Variants in CLEC16A observed in about 807,000 individuals in gnomAD.
The protein encoded by CLEC16A is C-type lectin domain containing 16A.
A neutral mutation model predicts 109.5 loss-of-function variants in CLEC16A; 51 were observed. The ratio of observed to expected loss-of-function variants is 0.47; its 90% CI spans 0.37 to 0.59. The LOEUF is 0.59. CLEC16A is among the 20% of genes least tolerant of loss of function. The probability of loss-of-function intolerance (pLI) is 0.00; values close to 1 mark genes in which losing one functional copy is unlikely to be tolerated. For synonymous variants in CLEC16A, 673 were observed against 564.2 expected (o/e 1.19, Z -2.73); for missense variants, 1,339 against 1,394.0 (o/e 0.96, Z 0.63).
intron 19 of CLEC16A, among the ~76,000 whole-genome samples, chr16:11,075,860 G>C (rs2049342579): frequency 6.6e-6 from 1 of 152,124 alleles, no homozygotes; most frequent in Admixed American, 6.5e-5. Flanking sequence ...CAGTTGACGA[G>C]GGCTGGCAAA....
intron 11 of CLEC16A, among the ~76,000 whole-genome samples, chr16:11,017,514 G>A (rs142050666): frequency 3.9e-5 from 6 of 152,328 alleles, no homozygotes; most frequent in African/African-American, 1.2e-4. Context: ...AGAACCTAAT[G>A]TCCCATTCTC....
intron 20 of CLEC16A, among the ~76,000 whole-genome samples, chr16:11,122,839 C>T (rs1172231621): frequency 6.6e-6 from 1 of 151,564 alleles, no homozygotes; most frequent in Non-Finnish European, 1.5e-5. Context: ...ATTTATTCTC[C>T]ACCTTTGAAA....
intron 11 of CLEC16A, among the ~76,000 whole-genome samples, chr16:11,013,690 C>T (rs1284681819): frequency 6.6e-6 from 1 of 152,134 alleles, no homozygotes; most frequent in Non-Finnish European, 1.5e-5. Context: ...GACTGGGAGG[C>T]AGAGGTTGCA....
At chr16:11,079,474 T>C (rs767275893) in intron 19 of CLEC16A, among the ~76,000 whole-genome samples, 9 of 152,226 alleles carry the variant, frequency 5.9e-5, no homozygotes, top group Non-Finnish European at 1.0e-4. Context: ...GATGCCACCA[T>C]TTTTTATACA....
intron 1 of CLEC16A, among the ~76,000 whole-genome samples, chr16:10,949,333 C>G (rs1215936088): frequency 6.6e-6 from 1 of 152,160 alleles, no homozygotes; most frequent in Non-Finnish European, 1.5e-5. Context: ...TCTTCCAGGC[C>G]TTCCCACCAT....
chr16:10,992,837 A>T (rs1369267189), intron 10 of CLEC16A, among the ~76,000 whole-genome samples: 4 of 152,144 alleles, frequency 2.6e-5, no homozygotes, highest in Non-Finnish European at 4.4e-5. Flanking sequence ...AGATTTGGAT[A>T]TGGGAAGGAA....
At chr16:10,991,676 G>A (rs1271732462) in intron 10 of CLEC16A, among the ~76,000 whole-genome samples, 1 of 152,176 alleles carries the variant, frequency 6.6e-6, no homozygotes, top group African/African-American at 2.4e-5. Flanking sequence ...TGCAGTCAAC[G>A]TTGATTGTCT....
At position 11,153,157 on chromosome 16, in the gene CLEC16A, G is replaced by T. The variant is rs140993841; in HGVS notation, c.2642-13231G>T. Among the ~76,000 whole-genome samples the T allele has an allele frequency of 4.0e-4, 61 of 152,266 alleles. No individual in the cohort carries two copies. The East Asian group carries it at 0.011, about 27-fold the overall frequency. Reference sequence around the variant, plus strand: ...ACATTTCAGAGCGCTGTGTTTGTTTGCCAGTTACTGCCCTCCGCCTGCTTC... The same window carrying T: ...ACATTTCAGAGCGCTGTGTTTGTTTTCCAGTTACTGCCCTCCGCCTGCTTC... On this transcript the variant is annotated intron_variant, in intron 22 of 23. Coordinates refer to ENST00000409790, the MANE Select transcript of CLEC16A (RefSeq NM_015226.3).
intron 22 of CLEC16A, among the ~76,000 whole-genome samples, chr16:11,129,239 A>G (rs532967852): frequency 1.3e-5 from 2 of 152,376 alleles, no homozygotes; most frequent in East Asian, 1.9e-4. Flanking sequence ...TATTTATGAC[A>G]TTAGAAATTA....
chr16:10,989,506 AT>A (rs1196793318), intron 10 of CLEC16A, among the ~76,000 whole-genome samples: 6 of 152,154 alleles, frequency 3.9e-5, no homozygotes, highest in Admixed American at 2.6e-4. Flanking sequence ...AAGTGCTGGG[AT>A]TACAGGCATG....
chr16:11,125,172 G>A (rs17604903), intron 21 of CLEC16A, among the ~76,000 whole-genome samples: 4,000 of 152,220 alleles, frequency 0.026, 78 homozygotes, highest in Middle Eastern at 0.051. Context: ...CGCGTCCCAC[G>A]TTGTCGTCCC....
rs201446805 is a variant in CLEC16A, at chr16:11,178,919, C to T, written c.*229C>T. The stretch of plus-strand genomic sequence containing the variant: ...CAGGCTGGGACCAGCGGAGACACCG[C>T]GGCGAATGCAGATGACTGCACCGGC... On this transcript the variant is annotated 3_prime_UTR_variant, in exon 24 of 24. Transcript: ENST00000409790. This position sits in a 1 kb window ranked among gnomAD's most constrained non-coding sequence, Gnocchi z 6.5. The T allele has an allele frequency of 2.7e-5, 13 of 483,396 alleles. No individual in the cohort carries two copies. The highest frequency in any genetic ancestry group is 2.0e-4 in the South Asian group (5 of 25,008). 29.9% of individuals were successfully genotyped at this position (483,396 alleles called of 1,614,324 possible). A position where few individuals can be genotyped will look rare whatever the true frequency, so the allele number is the denominator to read the frequency against.
intron 23 of CLEC16A, among the ~76,000 whole-genome samples, chr16:11,169,063 C>T (rs1186541411): frequency 6.6e-6 from 1 of 152,204 alleles, no homozygotes; most frequent in African/African-American, 2.4e-5. Flanking sequence ...CCGCCCACTG[C>T]CTTCAGCCTG....
intron 13 of CLEC16A, chr16:11,036,064 A>C (rs371707168): frequency 6.6e-6 from 1 of 152,562 alleles, no homozygotes; most frequent in Non-Finnish European, 1.5e-5. Flanking sequence ...GGTAAAATCT[A>C]CCTCACATGG....
At chr16:11,044,115 G>A (rs747833767) in intron 16 of CLEC16A, 43 bp downstream of exon 16, 5 of 1,553,714 alleles carry the variant, frequency 3.2e-6, no homozygotes, top group Non-Finnish European at 4.4e-6. Flanking sequence ...GGTGTGTATT[G>A]TAGAAACAGA....
chr16:10,980,173 T>TG (rs1032688587), intron 9 of CLEC16A, among the ~76,000 whole-genome samples: 4 of 152,190 alleles, frequency 2.6e-5, no homozygotes, highest in African/African-American at 7.2e-5. Context: ...GTTTTGAATT[T>TG]GGGGCGGGGC....
intron 19 of CLEC16A, among the ~76,000 whole-genome samples, chr16:11,068,667 T>G (rs1437278013): frequency 1.3e-5 from 2 of 152,200 alleles, no homozygotes; most frequent in Admixed American, 6.5e-5. Context: ...CTGACTCCCC[T>G]CTTTCTCTCA....
intron 19 of CLEC16A, among the ~76,000 whole-genome samples, chr16:11,115,162 G>A (rs993333916): frequency 4.6e-5 from 7 of 152,234 alleles, no homozygotes; most frequent in Non-Finnish European, 1.0e-4. Flanking sequence ...GACTGTGTCC[G>A]TTTTCCCAGA....
rs2052335857 is a variant in CLEC16A at position 11,120,646 on chromosome 16, C to T, written c.2148C>T (p.Ile716=). The T allele has an allele frequency of 6.2e-7, 1 of 1,613,122 alleles. No homozygotes were observed. Among genetic ancestry groups the T allele is most frequent in the Non-Finnish European group, 8.5e-7 (1 of 1,179,500 alleles). ...GCGACTTGATTGCATGTACAGTGAT[C>T]ACCAAGGATGGCGGCATGGTCCAGC... is the stretch of plus-strand genomic sequence containing the variant. ...NNSDLIACTV[I]TKDGGMVQRF... Residue 716 remains isoleucine (I), a synonymous_variant, in exon 20 of 24, where the codon ATC becomes ATT. Transcript: ENST00000409790.
Sources: gnomAD v4.1 joint callset for allele counts (sites outside exome capture counted in the v4.1 genomes callset) on GRCh38, gnomAD v4.1.1 for gene constraint, Gnocchi (gnomAD v3.1) non-coding constraint, MANE v1.5 for transcripts, NCBI Gene and HGNC (gene_info 2026-07-23, HGNC 2026-07-21) for gene names.